The following PLOD1 variants were observed in gnomAD, a reference collection of about 807,000 sequenced individuals.
The protein encoded by PLOD1 is lysine hydroxylase.
A neutral mutation model predicts 94.7 loss-of-function variants in PLOD1; 70 were observed. The ratio of observed to expected loss-of-function variants is 0.74; its 90% confidence interval spans 0.61 to 0.90. The LOEUF (loss-of-function observed/expected upper bound fraction) is 0.90. Ranked by LOEUF, PLOD1 falls within the 40% of genes least tolerant of loss-of-function variation. The probability of loss-of-function intolerance (pLI) is 0.00; values close to 1 mark genes in which losing one functional copy is unlikely to be tolerated. For synonymous variants in PLOD1, 417 were observed against 400.2 expected (o/e 1.04, Z -0.50); for missense variants, 905 against 972.7 (o/e 0.93, Z 0.93).
At chr1:11,967,230 TGCAG>T in intron 16 of PLOD1, 139 bp downstream of exon 16, 1 of 668,012 alleles carries the variant, frequency 1.5e-6, no homozygotes, top group East Asian at 2.7e-5. Context: ...CATGGGTATC[TGCAG>T]GCAGGTAGGA....
At chr1:11,934,982 G>A in intron 1 of PLOD1, 127 bp downstream of exon 1, 2 of 1,192,864 alleles carry the variant, frequency 1.7e-6, no homozygotes, top group Admixed American at 2.7e-5. Context: ...CCGGCTCCTT[G>A]TCCACTTAAT....
chr1:11,965,722 C>T, intron 14 of PLOD1, 129 bp downstream of exon 14: 1 of 653,686 alleles, frequency 1.5e-6, no homozygotes, highest in East Asian at 2.7e-5. Context: ...CCTCCCTTCA[C>T]CCCAGGAGGC....
At chr1:11,949,188 T>A (rs1359842590) in intron 2 of PLOD1, among the ~76,000 whole-genome samples, 2 of 152,138 alleles carry the variant, frequency 1.3e-5, no homozygotes, top group African/African-American at 4.8e-5. Context: ...AGGAAAGGCC[T>A]GCAGACTGTT....
At chr1:11,948,782 G>A (rs905808524) in intron 2 of PLOD1, among the ~76,000 whole-genome samples, 5 of 151,978 alleles carry the variant, frequency 3.3e-5, no homozygotes, top group Non-Finnish European at 5.9e-5. Context: ...ATGCCCGATC[G>A]ACCACTGGCA....
At chr1:11,969,663 G>C (rs926147393) in intron 16 of PLOD1, among the ~76,000 whole-genome samples, 2 of 152,144 alleles carry the variant, frequency 1.3e-5, no homozygotes, top group Non-Finnish European at 2.9e-5. Context: ...CAGTTTAGCT[G>C]GGTCATTGAG....
intron 12 of PLOD1, 27 bp downstream of exon 12, chr1:11,964,327 T>TGGGGGGG: frequency 1.8e-6 from 1 of 546,370 alleles, no homozygotes; most frequent in Non-Finnish European, 3.2e-6. Flanking sequence ...TGGGGGTGGG[T>TGGGGGGG]GGGGGACACC....
intron 5 of PLOD1, among the ~76,000 whole-genome samples, chr1:11,953,867 T>C (rs1645720149): frequency 6.6e-6 from 1 of 151,600 alleles, no homozygotes; most frequent in Non-Finnish European, 1.5e-5. Flanking sequence ...ATATGTAGAA[T>C]AGTTTATTTA....
At position 11,964,271 on chromosome 1, in the gene PLOD1, C is replaced by T. The variant is rs886039111; in HGVS notation, c.1299C>T (p.Asp433=). The change falls in exon 12 of 19, where the codon GAC becomes GAT. Residue 433 remains aspartate, a synonymous_variant. Coordinates refer to ENST00000196061, the MANE Select transcript of PLOD1 (RefSeq NM_000302.4). ...ATGGCTACTATGCCCGTTCCGAGGA[C>T]TACGTGGACATTGTGCAGGGGCGGC... ...SADGYYARSE[D]YVDIVQGRRV... 14 of 1,500,700 alleles carry T rather than the reference C, an allele frequency of 9.3e-6. No individual in the cohort carries two copies. The highest frequency in any genetic ancestry group is 1.4e-5 in the African/African-American group (1 of 69,242). The allele number at this position is 1,500,700 out of a possible 1,614,324, so 93.0% of individuals were successfully genotyped here.
chr1:11,969,435 G>T (rs778209108), intron 16 of PLOD1, among the ~76,000 whole-genome samples: 6 of 152,164 alleles, frequency 3.9e-5, no homozygotes, highest in Non-Finnish European at 8.8e-5. Context: ...TAATCCACAT[G>T]CTTTGGTTGC....
Position 11,958,754 on chromosome 1 carries a change from G to T in PLOD1, c.975+107G>T. On this transcript the variant is annotated intron_variant, in intron 9 of 18. Transcript: ENST00000196061. This position sits in a 1 kb window ranked among gnomAD's most constrained non-coding sequence, Gnocchi z 4.3. ...GGTCTCACCGAATCTAGCTTATCTG[G>T]GCCAAATGACAATCACCAGTGGACT... is the stretch of plus-strand genomic sequence containing the variant. The T allele has an allele frequency of 7.6e-7, 1 of 1,324,316 alleles. No homozygotes were observed. The allele number at this position is 1,324,316 out of a possible 1,614,324, so 82.0% of individuals were successfully genotyped here. A position where few individuals can be genotyped will look rare whatever the true frequency, so the allele number is the denominator to read the frequency against.
At chr1:11,943,474 CT>C (rs1645628993) in intron 1 of PLOD1, among the ~76,000 whole-genome samples, 1 of 151,244 alleles carries the variant, frequency 6.6e-6, no homozygotes, top group Non-Finnish European at 1.5e-5. Context: ...TTTTTGTATT[CT>C]TAGTAGAGAC....
rs1306060482 is a variant in PLOD1 at position 11,949,836 on chromosome 1, G to A, written c.232G>A (p.Val78Ile). The A allele has an allele frequency of 6.2e-7, 1 of 1,614,134 alleles. No individual in the cohort carries two copies. Among genetic ancestry groups the A allele is most frequent in the African/African-American group, 1.3e-5 (1 of 75,052 alleles). Residue 78 changes from valine to isoleucine, a missense_variant, in exon 3 of 19, where the codon GTC becomes ATC. Val to Ile is a conservative substitution (Grantham distance 29). Coordinates refer to ENST00000196061, the MANE Select transcript of PLOD1 (RefSeq NM_000302.4). ...GACGTCGGCAGGTGGAGGGCAGAAG[G>A]TCCGGCTGCTGAAGAAAGCTCTGGA... is the stretch of plus-strand genomic sequence containing the variant. ...KGTSAGGGQKVRLLKKALEKH... is the reference protein window; with the variant it reads ...KGTSAGGGQKIRLLKKALEKH...
chr1:11,936,381 A>T (rs1268167965), intron 1 of PLOD1, among the ~76,000 whole-genome samples: 1 of 151,046 alleles, frequency 6.6e-6, no homozygotes, highest in Non-Finnish European at 1.5e-5. Flanking sequence ...GGACAGTCCC[A>T]GCAAAGCCAA....
intron 1 of PLOD1, among the ~76,000 whole-genome samples, chr1:11,940,384 C>T (rs1024774144): frequency 2.0e-5 from 3 of 152,136 alleles, no homozygotes; most frequent in African/African-American, 7.2e-5. Context: ...GCAGCATCTA[C>T]CAAGACACAG....
chr1:11,947,985 T>A lies in PLOD1; in HGVS notation c.86T>A (p.Leu29Ter). 1 of 1,610,628 alleles carries A rather than the reference T, an allele frequency of 6.2e-7. No individual in the cohort carries two copies. The highest frequency in any genetic ancestry group is 8.5e-7 in the Non-Finnish European group (1 of 1,176,838). The part of the protein sequence containing the change: ...KGDAKPEDNL[L>*]VLTVATKETE... ...CCTCCTCTGTCTGCAGACAACCTTT[T>A]AGTCCTCACGGTGGCCACTAAGGAG... The change falls in exon 2 of 19, where the codon TTA (leucine) becomes TAA (stop). Residue 29 changes from leucine (L) to a stop codon, truncating the protein, a stop_gained. Transcript: ENST00000196061. LOFTEE classifies it high-confidence loss of function.
chr1:11,941,981 CG>C (rs1557482224), intron 1 of PLOD1, among the ~76,000 whole-genome samples: 1 of 138,436 alleles, frequency 7.2e-6, no homozygotes, highest in African/African-American at 3.1e-5. Context: ...CCACTGTGCC[CG>C]GCCTTTTTTT....
rs563494891 is a variant in PLOD1 at position 11,962,913 on chromosome 1, C to T, written c.1098-619C>T. ...AAAATTAGCCTGGCATGGTGGTGCA[C>T]GCCTCTAATCCCAGCTACTTGGGAG... On this transcript the variant is annotated intron_variant, in intron 10 of 18. Transcript: ENST00000196061. 3.3e-5 allele frequency among the ~76,000 whole-genome samples: 5 copies of T among 152,074 alleles called. No homozygotes were observed. In the South Asian group the frequency reaches 1.0e-3, roughly 32 times the overall value.
intron 10 of PLOD1, among the ~76,000 whole-genome samples, chr1:11,962,982 A>T (rs1407397286): frequency 6.6e-6 from 1 of 152,100 alleles, no homozygotes; most frequent in African/African-American, 2.4e-5. Flanking sequence ...TGGAGGTTGC[A>T]GTGAGCTGAG....
chr1:11,953,317 A>G (rs1224966092), intron 5 of PLOD1, among the ~76,000 whole-genome samples: 1 of 151,580 alleles, frequency 6.6e-6, no homozygotes, highest in Non-Finnish European at 1.5e-5. Flanking sequence ...CGGCCTCTCA[A>G]AGTGCTGGGA....
Sources: allele counts gnomAD v4.1 joint callset (sites outside exome capture counted in the v4.1 genomes callset), GRCh38; gene constraint gnomAD v4.1.1; non-coding constraint Gnocchi (gnomAD v3.1); transcripts MANE v1.5; gene names NCBI Gene and HGNC (gene_info 2026-07-23, HGNC 2026-07-21).